Variants in RADIL observed in about 807,000 individuals in gnomAD.
The protein encoded by RADIL is Rap associating with DIL domain, also known as ras-associating and dilute domain-containing protein.
RADIL carries 99 observed loss-of-function variants against 97.6 expected under a neutral mutation model. The observed-to-expected ratio is 1.01, with a 90% CI of 0.86 to 1.20. The LOEUF is 1.20. Ranked by LOEUF, RADIL falls within the 50% of genes most tolerant of loss-of-function variation. RADIL has a pLI of 0.00. For missense variants in RADIL, 1,765 were observed against 1,498.9 expected (o/e 1.18, Z -2.93); for synonymous variants, 803 against 691.8 (o/e 1.16, Z -2.52).
At chr7:4,875,025 T>C (rs1784338562) in intron 2 of RADIL, among the ~76,000 whole-genome samples, 2 of 151,228 alleles carry the variant, frequency 1.3e-5, no homozygotes, top group Non-Finnish European at 2.9e-5. Context: ...ACCCCGTGTC[T>C]ACTAAAAATA....
intron 2 of RADIL, chr7:4,861,477 C>A: frequency 6.2e-7 from 1 of 1,614,146 alleles, no homozygotes. Context: ...ATATCTGCGC[C>A]TTTCGTATGT....
intron 4 of RADIL, 101 bp from the exon 5 acceptor site, chr7:4,832,279 GC>G: frequency 2.6e-6 from 3 of 1,174,296 alleles, no homozygotes; most frequent in African/African-American, 1.5e-5. Context: ...AAGCCATGCT[GC>G]CCCAGGCATC....
rs969596883 is a variant in RADIL, at chr7:4,817,910, C to T, written c.1616-559G>A. 6.6e-6 allele frequency among the ~76,000 whole-genome samples: 1 copy of T among 152,200 alleles called. No homozygotes were observed. Among genetic ancestry groups the T allele is most frequent in the Non-Finnish European group, 1.5e-5 (1 of 68,018 alleles). The stretch of plus-strand genomic sequence containing the variant: ...GTGGTTCCTGCCGTCTGGGTGGGGG[C>T]TCTTGTGAAGGTGGGAGGCCCCCAA... On this transcript the variant is annotated intron_variant, in intron 6 of 14. Transcript: ENST00000399583. This position sits in a 1 kb window ranked among gnomAD's most constrained non-coding sequence, Gnocchi z 8.3.
chr7:4,843,172 G>A (rs1216442239), intron 2 of RADIL, among the ~76,000 whole-genome samples: 3 of 114,796 alleles, frequency 2.6e-5, no homozygotes, highest in African/African-American at 3.8e-5. Context: ...CCCGACCCCC[G>A]CCAGCTAATT....
chr7:4,802,745 C>T (rs1374119777), intron 11 of RADIL, among the ~76,000 whole-genome samples: 3 of 116,652 alleles, frequency 2.6e-5, no homozygotes, highest in Non-Finnish European at 5.4e-5. Context: ...GCTGGGCCCC[C>T]TCCCCGGGCA....
chr7:4,829,091 C>T (rs533852860), intron 5 of RADIL, among the ~76,000 whole-genome samples: 1 of 152,174 alleles, frequency 6.6e-6, no homozygotes. Context: ...TGTTACTGGG[C>T]CCACTCCCAA....
In RADIL at chr7:4,840,449, G is replaced by A. The variant is rs1275751472; in HGVS notation, c.536-3844C>T. On this transcript the variant is annotated intron_variant, in intron 2 of 14. Coordinates refer to ENST00000399583, the MANE Select transcript of RADIL (RefSeq NM_018059.5). The surrounding 1 kb of genome is among the most constrained non-coding windows in gnomAD (Gnocchi z 5.6). The stretch of plus-strand genomic sequence containing the variant: ...GCCACCTTCAGAAGCATCGCATGGC[G>A]CCATCGCTAGACACACAGCGTGGAG... Among the ~76,000 whole-genome samples the A allele has an allele frequency of 6.6e-6, 1 of 152,108 alleles. No individual in the cohort carries two copies. The highest frequency in any genetic ancestry group is 2.4e-5 in the African/African-American group (1 of 41,416).
rs1782921773 is a variant in RADIL at position 4,824,503 on chromosome 7, G to A, written c.1455-1949C>T. Among the ~76,000 whole-genome samples, 1 of 152,228 alleles carries A rather than the reference G, an allele frequency of 6.6e-6. No individual in the cohort carries two copies. Among genetic ancestry groups the A allele is most frequent in the Admixed American group, 6.5e-5 (1 of 15,288 alleles). On this transcript the variant is annotated intron_variant, in intron 5 of 14. Coordinates refer to ENST00000399583, the MANE Select transcript of RADIL (RefSeq NM_018059.5). This position sits in a 1 kb window ranked among gnomAD's most constrained non-coding sequence, Gnocchi z 6.7. ...TTCCCCAGCTGGGCAGCCGAGCAGG[G>A]CTGGGGGAGGAACCCCAGGCTGCGT...
rs112069684 is a variant in RADIL, at chr7:4,814,096, A to G, written c.2139+1182T>C. ...TGCCTGGCCGAGTCAGCTTTCTTCA[A>G]TCTGCTAAGGCAGTTCACCCATCTG... is the stretch of plus-strand genomic sequence containing the variant. On this transcript the variant is annotated intron_variant, in intron 9 of 14. Coordinates refer to ENST00000399583, the MANE Select transcript of RADIL (RefSeq NM_018059.5). The surrounding 1 kb of genome is among the most constrained non-coding windows in gnomAD (Gnocchi z 4.5). Among the ~76,000 whole-genome samples the G allele has an allele frequency of 6.1e-3, 935 of 152,166 alleles. 4 individuals carry two copies. The highest frequency in any genetic ancestry group is 0.02 in the African/African-American group (813 of 41,508).
Position 4,834,013 on chromosome 7 carries a change from C to A in RADIL, c.1416+594G>T, listed in dbSNP as rs567481519. Among the ~76,000 whole-genome samples, 2 of 152,278 alleles carry A rather than the reference C, an allele frequency of 1.3e-5. No individual in the cohort carries two copies. Among genetic ancestry groups the A allele is most frequent in the East Asian group, 3.9e-4 (2 of 5,178 alleles). ...TCCTCTGCAATGCACAGGCCAGCCTCACAGCAAGGAGCTCTCCTGCCACAG... is the reference window on the plus strand; with the variant it reads ...TCCTCTGCAATGCACAGGCCAGCCTAACAGCAAGGAGCTCTCCTGCCACAG... On this transcript the variant is annotated intron_variant, in intron 4 of 14. Coordinates refer to ENST00000399583, the MANE Select transcript of RADIL (RefSeq NM_018059.5). The surrounding 1 kb of genome is among the most constrained non-coding windows in gnomAD (Gnocchi z 6.0).
At chr7:4,870,235 C>G (rs1228100989) in intron 2 of RADIL, among the ~76,000 whole-genome samples, 1 of 152,190 alleles carries the variant, frequency 6.6e-6, no homozygotes, top group Non-Finnish European at 1.5e-5. Context: ...GAGCTGACCT[C>G]TCAGTCTGTA....
At chr7:4,874,737 A>C (rs1784330646) in intron 2 of RADIL, among the ~76,000 whole-genome samples, 1 of 152,128 alleles carries the variant, frequency 6.6e-6, no homozygotes, top group South Asian at 2.1e-4. Flanking sequence ...CGCCCTGAAT[A>C]ATTTAACAGG....
intron 2 of RADIL, among the ~76,000 whole-genome samples, chr7:4,847,049 G>A (rs964788891): frequency 1.3e-5 from 2 of 152,108 alleles, no homozygotes; most frequent in African/African-American, 4.8e-5. Context: ...GGCCAGGCAT[G>A]GTGGCTTACA....
At position 4,824,977 on chromosome 7, in the gene RADIL, G is replaced by A. The variant is rs1257002634; in HGVS notation, c.1455-2423C>T. ...GACTCGGGCCAGGTTGGCACTGAAC[G>A]CGCCCCCACCTGCCAACCTGGGGCC... On this transcript the variant is annotated intron_variant, in intron 5 of 14. Coordinates refer to ENST00000399583, the MANE Select transcript of RADIL (RefSeq NM_018059.5). This position sits in a 1 kb window ranked among gnomAD's most constrained non-coding sequence, Gnocchi z 6.7. Among the ~76,000 whole-genome samples the A allele has an allele frequency of 6.6e-6, 1 of 152,164 alleles. No homozygotes were observed. The highest frequency in any genetic ancestry group is 2.1e-4 in the South Asian group (1 of 4,830).
intron 9 of RADIL, 46 bp from the exon 10 acceptor site, chr7:4,805,762 A>T (rs1782285716): frequency 6.4e-7 from 1 of 1,569,856 alleles, no homozygotes; most frequent in African/African-American, 1.4e-5. Flanking sequence ...CTGGGTGCAG[A>T]CCCCAGCCCA....
At chr7:4,805,154 C>G (rs1782257858) in intron 10 of RADIL, 1 of 191,740 alleles carries the variant, frequency 5.2e-6, no homozygotes, top group Non-Finnish European at 1.1e-5. Flanking sequence ...TATGCGCACA[C>G]AGACCCCTCC....
At chr7:4,844,131 T>C (rs569465877) in intron 2 of RADIL, among the ~76,000 whole-genome samples, 30 of 151,490 alleles carry the variant, frequency 2.0e-4, no homozygotes, top group African/African-American at 7.0e-4. Context: ...CAGGGAAAAA[T>C]AGGGGAAAGA....
At position 4,801,772 on chromosome 7, in the gene RADIL, G is replaced by A. The variant is rs535738202; in HGVS notation, c.2723C>T (p.Thr908Ile). The A allele has an allele frequency of 5.8e-5, 94 of 1,610,520 alleles. 2 individuals are homozygous for A. The South Asian group carries it at 9.7e-4, about 17-fold the overall frequency. The change falls in exon 12 of 15, where the codon ACT becomes ATT. Residue 908 changes from threonine to isoleucine, a missense_variant. Transcript: ENST00000399583. ...GTCCCCAGGCTCAGGGCCAAGTGGA[G>A]TGCTGGGAGGCGTGAGCAAGCAGGA... Reference protein sequence around the residue: ...DSSCLLTPPSTPLGPEPGDPD... With the variant: ...DSSCLLTPPSIPLGPEPGDPD...
At chr7:4,856,897 T>C (rs1005388930) in intron 2 of RADIL, among the ~76,000 whole-genome samples, 1 of 152,252 alleles carries the variant, frequency 6.6e-6, no homozygotes, top group Non-Finnish European at 1.5e-5. Context: ...CTATGACTGA[T>C]TGCCCTCTAC....
Sources: gnomAD v4.1 joint callset for allele counts (sites outside exome capture counted in the v4.1 genomes callset) on GRCh38, gnomAD v4.1.1 for gene constraint, Gnocchi (gnomAD v3.1) non-coding constraint, MANE v1.5 for transcripts, NCBI Gene and HGNC (gene_info 2026-07-23, HGNC 2026-07-21) for gene names.